The following DMPK variants were observed in gnomAD, a reference collection of about 807,000 sequenced individuals.
The protein encoded by DMPK is DM1 protein kinase.
Under a neutral mutation model 70.3 loss-of-function variants are expected in DMPK, and 32 were observed. The observed-to-expected ratio is 0.46, with a 90% CI of 0.34 to 0.61. The LOEUF (loss-of-function observed/expected upper bound fraction) is 0.61, where lower values mean the gene tolerates loss of function less well. DMPK is among the 20% of genes least tolerant of loss of function. The pLI, the probability that DMPK is intolerant of heterozygous loss-of-function variation, is 0.01. For synonymous variants in DMPK, 469 were observed against 390.9 expected (o/e 1.20, Z -2.36); for missense variants, 899 against 886.0 (o/e 1.01, Z -0.19).
chr19:45,775,423 C>T (rs1427791377), intron 8 of DMPK, among the ~76,000 whole-genome samples: 1 of 46,464 alleles, frequency 2.2e-5, no homozygotes, highest in Non-Finnish European at 5.0e-5. Flanking sequence ...CCTACCTCAG[C>T]TGTTGTAGTC....
intron 14 of DMPK, 94 bp downstream of exon 14, chr19:45,770,877 G>T: frequency 3.7e-6 from 4 of 1,091,990 alleles, no homozygotes; most frequent in Non-Finnish European, 5.0e-6. Context: ...CCTGCCGTGG[G>T]CCCAGCCCCG....
At chr19:45,781,721 C>T (rs1297638488) in intron 1 of DMPK, among the ~76,000 whole-genome samples, 1 of 152,228 alleles carries the variant, frequency 6.6e-6, no homozygotes, top group African/African-American at 2.4e-5. Context: ...GCTGGAGAGG[C>T]TGGCGCCGAA....
At chr19:45,771,279 G>C in intron 13 of DMPK, 71 bp downstream of exon 13, 2 of 1,534,616 alleles carry the variant, frequency 1.3e-6, no homozygotes, top group Non-Finnish European at 1.8e-6. Context: ...TGGACGGGGA[G>C]ACCAGGAGCC....
intron 14 of DMPK, 65 bp from the exon 15 acceptor site, chr19:45,770,705 G>A: frequency 1.3e-6 from 2 of 1,506,756 alleles, no homozygotes; most frequent in South Asian, 1.3e-5. Flanking sequence ...GACTCGCCCC[G>A]CCTACGCCCA....
At chr19:45,771,118 G>T in intron 13 of DMPK, 58 bp from the exon 14 acceptor site, 1 of 1,381,588 alleles carries the variant, frequency 7.2e-7, no homozygotes. Context: ...TCAGCGGTGG[G>T]GCGAGAGACA....
chr19:45,779,200 C>T, intron 4 of DMPK, 64 bp downstream of exon 4: 2 of 1,534,448 alleles, frequency 1.3e-6, no homozygotes, highest in Non-Finnish European at 1.8e-6. Flanking sequence ...CTCTCCCCAC[C>T]TCCTCGTCCA....
intron 1 of DMPK, among the ~76,000 whole-genome samples, chr19:45,781,177 G>C (rs974770003): frequency 2.0e-5 from 3 of 152,146 alleles, no homozygotes; most frequent in Admixed American, 1.3e-4. Context: ...GGAGAAACAG[G>C]AAACAAGTGT....
Position 45,779,525 on chromosome 19 carries a change from G to A in DMPK, c.253-3C>T, listed in dbSNP as rs747069302. The A allele has an allele frequency of 4.3e-6, 7 of 1,613,796 alleles. No individual in the cohort carries two copies. Among genetic ancestry groups the A allele is most frequent in the South Asian group, 1.1e-5 (1 of 91,078 alleles). On this transcript the variant is annotated splice_polypyrimidine_tract_variant and splice_region_variant and intron_variant, in intron 2 of 14. Coordinates refer to ENST00000291270, the MANE Select transcript of DMPK (RefSeq NM_004409.5). ...TGCTTCATCTTCACTACCGCTACCTGAGGTCGAGATAGTGAGACAGAGTGG... is the reference window on the plus strand; with the variant it reads ...TGCTTCATCTTCACTACCGCTACCTAAGGTCGAGATAGTGAGACAGAGTGG...
chr19:45,779,135 G>A (rs1450448017), intron 4 of DMPK, 129 bp downstream of exon 4: 5 of 919,822 alleles, frequency 5.4e-6, no homozygotes, highest in African/African-American at 1.6e-5. Context: ...CCCTCTTACC[G>A]CACACAGACT....
chr19:45,772,570 G>A (rs191716386), intron 10 of DMPK, 71 bp downstream of exon 10: 68 of 999,310 alleles, frequency 6.8e-5, no homozygotes, highest in African/African-American at 6.0e-4. Context: ...TACAGTGCAC[G>A]CCACCCGGGA....
In DMPK at chr19:45,771,413, G is replaced by C. The variant is rs1969432701; in HGVS notation, c.1601-17C>G. The C allele has an allele frequency of 1.9e-6, 3 of 1,608,348 alleles. No homozygotes were observed. The highest frequency in any genetic ancestry group is 2.7e-5 in the African/African-American group (2 of 74,494). On this transcript the variant is annotated splice_polypyrimidine_tract_variant and intron_variant, in intron 12 of 14. Transcript: ENST00000291270. Reference sequence around the variant, plus strand: ...CCGTGACAGCTGGAAGGAGAAGAAAGAGGCATAGGGCGCGTGGAGGGGCGA... The same window carrying C: ...CCGTGACAGCTGGAAGGAGAAGAAACAGGCATAGGGCGCGTGGAGGGGCGA...
In DMPK at chr19:45,777,155, T is replaced by A. The variant is rs917590410; in HGVS notation, c.1146+172A>T. Reference sequence around the variant, plus strand: ...TGAAGACTGCTCTGTGTTCCCCCACTGGACTGTAAGTCTAGGTCACTGCTG... The same window carrying A: ...TGAAGACTGCTCTGTGTTCCCCCACAGGACTGTAAGTCTAGGTCACTGCTG... On this transcript the variant is annotated intron_variant, in intron 8 of 14. Transcript: ENST00000291270. This position sits in a 1 kb window ranked among gnomAD's most constrained non-coding sequence, Gnocchi z 6.7. The A allele has an allele frequency of 1.1e-5, 10 of 903,110 alleles. No individual in the cohort carries two copies. In the East Asian group the frequency reaches 2.5e-4, roughly 22 times the overall value. The allele number at this position is 903,110 out of a possible 1,614,324, so 55.9% of individuals were successfully genotyped here. A position where few individuals can be genotyped will look rare whatever the true frequency, so the allele number is the denominator to read the frequency against.
chr19:45,777,250 G>A lies in DMPK; in HGVS notation c.1146+77C>T, dbSNP rs570629415. On this transcript the variant is annotated intron_variant, in intron 8 of 14. Coordinates refer to ENST00000291270, the MANE Select transcript of DMPK (RefSeq NM_004409.5). The surrounding 1 kb of genome is among the most constrained non-coding windows in gnomAD (Gnocchi z 6.7). ...GAGTGATTCAGGACCCCAGAAGGTAGGCACTGTCCTTACTCCAACTTTATG... is the reference window on the plus strand; with the variant it reads ...GAGTGATTCAGGACCCCAGAAGGTAAGCACTGTCCTTACTCCAACTTTATG... 20 of 1,462,668 alleles carry A rather than the reference G, an allele frequency of 1.4e-5. No individual in the cohort carries two copies. The highest frequency in any genetic ancestry group is 8.5e-5 in the African/African-American group (6 of 70,432). The allele number at this position is 1,462,668 out of a possible 1,614,324, so 90.6% of individuals were successfully genotyped here.
intron 1 of DMPK, among the ~76,000 whole-genome samples, chr19:45,781,551 C>T (rs1970119482): frequency 6.6e-6 from 1 of 152,106 alleles, no homozygotes; most frequent in South Asian, 2.1e-4. Context: ...GGGGTGGGTG[C>T]AGAACCTACA....
In DMPK at chr19:45,771,400, G is replaced by A. The variant is rs778687006; in HGVS notation, c.1601-4C>T. On this transcript the variant is annotated splice_region_variant and splice_polypyrimidine_tract_variant and intron_variant, in intron 12 of 14. Coordinates refer to ENST00000291270, the MANE Select transcript of DMPK (RefSeq NM_004409.5). ...GGACTGGGGACCCCCGTGACAGCTG[G>A]AAGGAGAAGAAAGAGGCATAGGGCG... is the stretch of plus-strand genomic sequence containing the variant. 4 of 1,608,384 alleles carry A rather than the reference G, an allele frequency of 2.5e-6. No individual in the cohort carries two copies. Among genetic ancestry groups the A allele is most frequent in the Non-Finnish European group, 3.4e-6 (4 of 1,178,278 alleles).
At chr19:45,780,157 C>T in intron 1 of DMPK, 1 of 1,433,948 alleles carries the variant, frequency 7.0e-7, no homozygotes, top group South Asian at 1.5e-5. Flanking sequence ...ACGGAGTCTG[C>T]AGAAGGACAG....
chr19:45,770,844 T>C (rs1969363992), intron 14 of DMPK, 127 bp downstream of exon 14: 18 of 978,864 alleles, frequency 1.8e-5, no homozygotes, highest in Middle Eastern at 3.3e-4. Context: ...CCTGTGTTGA[T>C]TGGCTGCCCG....
At chr19:45,782,070 T>G in intron 1 of DMPK, 123 bp downstream of exon 1, 3 of 899,902 alleles carry the variant, frequency 3.3e-6, no homozygotes, top group Non-Finnish European at 3.3e-6. Context: ...AGCCCCAGGA[T>G]GGGAGGATCT....
intron 10 of DMPK, 90 bp downstream of exon 10, chr19:45,772,551 A>T (rs540432774): frequency 2.7e-5 from 20 of 745,104 alleles, no homozygotes; most frequent in Non-Finnish European, 4.3e-5. Context: ...GGAAGTCCCT[A>T]GAGGGCTCTA....
Sources: allele counts gnomAD v4.1 joint callset (sites outside exome capture counted in the v4.1 genomes callset), GRCh38; gene constraint gnomAD v4.1.1; non-coding constraint Gnocchi (gnomAD v3.1); transcripts MANE v1.5; gene names NCBI Gene and HGNC (gene_info 2026-07-23, HGNC 2026-07-21).